LRBA: variants seen among roughly 807,000 people sequenced by gnomAD.
LRBA encodes lipopolysaccharide-responsive and beige-like anchor protein.
A neutral mutation model predicts 330.0 loss-of-function variants in LRBA; 176 were observed. The observed-to-expected ratio is 0.53, with a 90% CI of 0.47 to 0.60. The LOEUF (loss-of-function observed/expected upper bound fraction) is 0.60. Ranked by LOEUF, LRBA falls within the 20% of genes least tolerant of loss-of-function variation. The pLI, the probability that LRBA is intolerant of heterozygous loss-of-function variation, is 0.00. For missense variants in LRBA, 3,259 were observed against 3,444.8 expected, an observed-to-expected ratio of 0.95 and a Z score of 1.35; for synonymous variants, 1,230 against 1,193.0, an observed-to-expected ratio of 1.03 and a Z score of -0.64.
At chr4:150,854,793 T>C (rs1427536891) in intron 22 of LRBA, among the ~76,000 whole-genome samples, 1 of 152,150 alleles carries the variant, frequency 6.6e-6, no homozygotes, top group Non-Finnish European at 1.5e-5. Flanking sequence ...GTATGTATGA[T>C]GAATAACAAT....
intron 2 of LRBA, among the ~76,000 whole-genome samples, chr4:150,998,470 C>T (rs1357063862): frequency 1.3e-5 from 2 of 152,082 alleles, no homozygotes; most frequent in African/African-American, 4.8e-5. Context: ...CCTGCCACCT[C>T]ACCATCTCCA....
chr4:150,546,259 T>C (rs1581636040), intron 40 of LRBA, among the ~76,000 whole-genome samples: 1 of 152,340 alleles, frequency 6.6e-6, no homozygotes, highest in Admixed American at 6.5e-5. Flanking sequence ...CTGCATTCAA[T>C]TGGTGAACAA....
chr4:150,930,959 TA>T (rs1415570236), intron 2 of LRBA, among the ~76,000 whole-genome samples: 1 of 152,212 alleles, frequency 6.6e-6, no homozygotes, highest in Non-Finnish European at 1.5e-5. Context: ...ATAAACGCTA[TA>T]AGCTATCTAT....
intron 42 of LRBA, 62 bp downstream of exon 42, chr4:150,487,670 G>T (rs928786928): frequency 4.0e-5 from 34 of 855,312 alleles, no homozygotes; most frequent in Non-Finnish European, 5.4e-5. Flanking sequence ...TATTAATACT[G>T]GTTAATTATT....
At chr4:150,956,367 T>C (rs924619992) in intron 2 of LRBA, among the ~76,000 whole-genome samples, 1 of 147,668 alleles carries the variant, frequency 6.8e-6, no homozygotes, top group Non-Finnish European at 1.5e-5. Flanking sequence ...ATTAAATTAG[T>C]AATAAAAAAA....
chr4:150,654,815 T>C (rs1780027593), intron 37 of LRBA, among the ~76,000 whole-genome samples: 5 of 152,134 alleles, frequency 3.3e-5, no homozygotes, highest in Admixed American at 3.3e-4. Flanking sequence ...GTCCTTGCGA[T>C]AGTTTGCTGA....
rs1026743216 is a variant in LRBA, at chr4:150,450,695, A to G, written c.6781-13831T>C. 5.3e-5 allele frequency among the ~76,000 whole-genome samples: 8 copies of G among 152,178 alleles called. No individual in the cohort carries two copies. In the East Asian group the frequency reaches 1.5e-3, roughly 29 times the overall value. Reference sequence around the variant, plus strand: ...TCTTTTTGGAAACAAAATTCAACCCATAACATGTACCCAAAAATAAACTTG... The same window carrying G: ...TCTTTTTGGAAACAAAATTCAACCCGTAACATGTACCCAAAAATAAACTTG... On this transcript the variant is annotated intron_variant, in intron 44 of 56. Transcript: ENST00000651943.
At chr4:150,559,780 T>C (rs1418222062) in intron 40 of LRBA, among the ~76,000 whole-genome samples, 1 of 85,208 alleles carries the variant, frequency 1.2e-5, no homozygotes, top group South Asian at 2.6e-4. Flanking sequence ...TATATTATAT[T>C]ATATTATATA....
At chr4:150,736,733 A>T (rs1251476073) in intron 35 of LRBA, among the ~76,000 whole-genome samples, 1 of 152,216 alleles carries the variant, frequency 6.6e-6, no homozygotes, top group African/African-American at 2.4e-5. Context: ...ACTGAGCCAT[A>T]TGTTGATGGA....
intron 4 of LRBA, among the ~76,000 whole-genome samples, chr4:150,923,743 A>G (rs1733584800): frequency 2.0e-5 from 3 of 152,230 alleles, no homozygotes; most frequent in African/African-American, 7.2e-5. Context: ...ATAACCAAAT[A>G]AGAAAAGTGT....
At chr4:150,742,483 C>T (rs1695465772) in intron 35 of LRBA, among the ~76,000 whole-genome samples, 1 of 151,936 alleles carries the variant, frequency 6.6e-6, no homozygotes, top group East Asian at 1.9e-4. Context: ...ACAAAAGTGG[C>T]TAAACTGCCA....
At chr4:150,745,070 A>C (rs1420302412) in intron 35 of LRBA, among the ~76,000 whole-genome samples, 1 of 152,158 alleles carries the variant, frequency 6.6e-6, no homozygotes, top group African/African-American at 2.4e-5. Context: ...AGTAAACAAG[A>C]AAATGGGAAA....
At chr4:150,930,686 G>T (rs531342103) in intron 2 of LRBA, among the ~76,000 whole-genome samples, 1 of 152,218 alleles carries the variant, frequency 6.6e-6, no homozygotes, top group Admixed American at 6.5e-5. Context: ...GAAAAAAATG[G>T]AAATGAACAA....
chr4:150,735,184 T>A (rs1398834325), intron 36 of LRBA, 74 bp downstream of exon 36: 1 of 1,132,724 alleles, frequency 8.8e-7, no homozygotes, highest in Non-Finnish European at 1.3e-6. Flanking sequence ...GACCTGCCAT[T>A]TTACCGGGAC....
intron 9 of LRBA, among the ~76,000 whole-genome samples, chr4:150,909,295 C>G (rs1398527837): frequency 1.3e-5 from 2 of 152,164 alleles, no homozygotes; most frequent in Non-Finnish European, 1.5e-5. Flanking sequence ...CTGCTCCCCA[C>G]CAGCCCGACT....
At chr4:150,617,979 C>T (rs1775935033) in intron 37 of LRBA, among the ~76,000 whole-genome samples, 1 of 152,042 alleles carries the variant, frequency 6.6e-6, no homozygotes, top group African/African-American at 2.4e-5. Context: ...TGGTGCGAGC[C>T]TGTAGTCCCA....
intron 40 of LRBA, among the ~76,000 whole-genome samples, chr4:150,539,660 G>T (rs1411642310): frequency 6.6e-6 from 1 of 152,130 alleles, no homozygotes; most frequent in Non-Finnish European, 1.5e-5. Context: ...TGATTGTATG[G>T]CCTCACTAGA....
At chr4:150,993,590 AAAG>A (rs749598841) in intron 2 of LRBA, among the ~76,000 whole-genome samples, 1 of 152,190 alleles carries the variant, frequency 6.6e-6, no homozygotes, top group Non-Finnish European at 1.5e-5. Context: ...CTGGGAAGAA[AAAG>A]AAGTTTAATT....
intron 37 of LRBA, among the ~76,000 whole-genome samples, chr4:150,639,807 G>A (rs59130592): frequency 0.011 from 166 of 14,832 alleles, 15 homozygotes; most frequent in Middle Eastern, 0.033. Context: ...ATATATATAT[G>A]TGTGTGTGTG....
Sources: allele counts gnomAD v4.1 joint callset (sites outside exome capture counted in the v4.1 genomes callset), GRCh38; gene constraint gnomAD v4.1.1; transcripts MANE v1.5; gene names NCBI Gene and HGNC (gene_info 2026-07-23, HGNC 2026-07-21).